TFR2: variants seen among roughly 807,000 people sequenced by gnomAD.
The protein encoded by TFR2 is transferrin receptor protein 2.
A neutral mutation model predicts 91.9 loss-of-function variants in TFR2; 64 were observed. The ratio of observed to expected loss-of-function variants is 0.70; its 90% CI spans 0.57 to 0.86. The LOEUF (loss-of-function observed/expected upper bound fraction) is 0.86, where lower values mean the gene tolerates loss of function less well. Ranked by LOEUF, TFR2 falls within the 40% of genes least tolerant of loss-of-function variation. TFR2 has a pLI of 0.00. For missense variants in TFR2, 950 were observed against 1,080.5 expected (o/e 0.88, Z 1.69); for synonymous variants, 454 against 459.6 (o/e 0.99, Z 0.15).
intron 1 of TFR2, 27 bp from the exon 2 acceptor site, chr7:100,641,255 TG>T: frequency 7.1e-7 from 1 of 1,406,550 alleles, no homozygotes; most frequent in Non-Finnish European, 9.4e-7. Context: ...GGCATGAGAT[TG>T]GGGCAAGAGG....
At chr7:100,628,052 G>A (rs1372093617) in intron 12 of TFR2, 21 bp downstream of exon 12, 1 of 1,614,084 alleles carries the variant, frequency 6.2e-7, no homozygotes, top group Admixed American at 1.7e-5. Context: ...GGGGCCAGGT[G>A]GTGGCACTGC....
chr7:100,623,326 GACA>G (rs553390293), intron 17 of TFR2, among the ~76,000 whole-genome samples: 3 of 152,178 alleles, frequency 2.0e-5, no homozygotes, highest in Non-Finnish European at 4.4e-5. Flanking sequence ...TCTATTCTAA[GACA>G]ACTATTATTA....
At chr7:100,621,669 CT>C (rs1562835447) in intron 17 of TFR2, among the ~76,000 whole-genome samples, 14 of 152,160 alleles carry the variant, frequency 9.2e-5, no homozygotes. Context: ...CTGCTGTTCC[CT>C]TCTTAACACC....
Position 100,641,034 on chromosome 7 carries a change from T to G in TFR2, c.228A>C (p.Ala76=), listed in dbSNP as rs1803688516. ...GGTAGGGGGCAGCCCTCCGTCCTGC[T>G]GCCGCCCAGGGAATGAGGTTTGGCT... is the stretch of plus-strand genomic sequence containing the variant. ...PRQPNLIPWA[A]AGRRAAPYLV... The change falls in exon 2 of 18, where the codon GCA becomes GCC. Residue 76 remains alanine (A), a synonymous_variant. Coordinates refer to ENST00000223051, the MANE Select transcript of TFR2 (RefSeq NM_003227.4). 1 of 1,602,058 alleles carries G rather than the reference T, an allele frequency of 6.2e-7. No individual in the cohort carries two copies. The highest frequency in any genetic ancestry group is 1.1e-5 in the South Asian group (1 of 89,820).
intron 17 of TFR2, chr7:100,626,425 T>C: frequency 8.6e-7 from 1 of 1,169,206 alleles, no homozygotes. Context: ...TGCTTTTTCT[T>C]TCCAGAAGGG....
At chr7:100,631,624 A>AG (rs1491017479) in intron 8 of TFR2, 182 bp downstream of exon 8, 3 of 221,676 alleles carry the variant, frequency 1.4e-5, no homozygotes, top group Admixed American at 7.0e-5. Flanking sequence ...ACTCCATCTC[A>AG]AAAAAAAAAA....
chr7:100,629,293 G>T lies in TFR2; in HGVS notation c.1350C>A (p.Leu450=). The change falls in exon 10 of 18, where the codon CTC becomes CTA. Residue 450 remains leucine (L), a synonymous_variant. Coordinates refer to ENST00000223051, the MANE Select transcript of TFR2 (RefSeq NM_003227.4). ...AAKSAVGTAI[L]LELVRTFSSM... is the part of the protein sequence containing the mutation. ...AGGAAAAGGTCCGCACCAGCTCCAG[G>T]AGTATAGCCGTCCCCACAGCGGATT... 6.2e-7 allele frequency: 1 copy of T among 1,614,122 alleles called. No individual in the cohort carries two copies. Among genetic ancestry groups the T allele is most frequent in the Non-Finnish European group, 8.5e-7 (1 of 1,179,972 alleles).
rs1371436169 is a variant in TFR2 at position 100,641,280 on chromosome 7, G to A, written c.34-52C>T. On this transcript the variant is annotated intron_variant, in intron 1 of 17. Transcript: ENST00000223051. Reference sequence around the variant, plus strand: ...TGGGGCAAGAGGCCTGGGGGGTGGGGAGGCATCTGGCAATAATGAGGTCAG... The same window carrying A: ...TGGGGCAAGAGGCCTGGGGGGTGGGAAGGCATCTGGCAATAATGAGGTCAG... The A allele has an allele frequency of 8.5e-6, 13 of 1,523,094 alleles. No homozygotes were observed. The African/African-American group carries it at 1.5e-4, about 18-fold the overall frequency. 94.3% of individuals were successfully genotyped at this position (1,523,094 alleles called of 1,614,324 possible). A position where few individuals can be genotyped will look rare whatever the true frequency, so the allele number is the denominator to read the frequency against.
chr7:100,624,884 C>A (rs12536812), intron 17 of TFR2, among the ~76,000 whole-genome samples: 20 of 148,482 alleles, frequency 1.3e-4, no homozygotes, highest in East Asian at 4.1e-4. Flanking sequence ...AAAAAAAAAA[C>A]AAAAAAACAA....
In TFR2 at chr7:100,627,969, C is replaced by T; in HGVS notation, c.1543G>A (p.Asp515Asn). 6.2e-7 allele frequency: 1 copy of T among 1,614,056 alleles called. No homozygotes were observed. The highest frequency in any genetic ancestry group is 8.5e-7 in the Non-Finnish European group (1 of 1,179,934). Residue 515 changes from aspartate (D) to asparagine (N), a missense_variant, in exon 13 of 18, where the codon GAC (aspartate) becomes AAC (asparagine). Asp to Asn is a conservative substitution (Grantham distance 23). Coordinates refer to ENST00000223051, the MANE Select transcript of TFR2 (RefSeq NM_003227.4). Reference protein sequence around the residue: ...VSLDNAVLGDDKFHAKTSPLL... With the variant: ...VSLDNAVLGDNKFHAKTSPLL... ...GGGCTGGTCTTGGCATGAAACTTGT[C>T]ATCCCCTGGAAAAAGGGGAGGGGAG...
At chr7:100,626,685 A>G (rs1803258941) in intron 17 of TFR2, 78 bp downstream of exon 17, 1 of 1,520,106 alleles carries the variant, frequency 6.6e-7, no homozygotes, top group Non-Finnish European at 8.8e-7. Context: ...GAGCGCGCAG[A>G]CGGGGCCAGG....
chr7:100,631,153 C>T, intron 8 of TFR2, 101 bp from the exon 9 acceptor site: 1 of 1,335,946 alleles, frequency 7.5e-7, no homozygotes, highest in Non-Finnish European at 9.9e-7. Context: ...TTTCTGGCTC[C>T]AGATCGCTGC....
rs779989093 is a variant in TFR2 at position 100,627,770 on chromosome 7, GAAC to G, written c.1653_1655del (p.Phe552del). ...CCTCAGCATCCCAGCTGGGATTGGTGAACACCACCTGTTCATAGAGAGTCTGCC... is the reference window on the plus strand; with the variant it reads ...CCTCAGCATCCCAGCTGGGATTGGTGACCACCTGTTCATAGAGAGTCTGCC... On this transcript the variant is annotated inframe_deletion, in exon 14 of 18. Transcript: ENST00000223051. The G allele has an allele frequency of 2.4e-4, 392 of 1,613,802 alleles. No individual in the cohort carries two copies. Among genetic ancestry groups the G allele is most frequent in the Non-Finnish European group, 3.2e-4 (379 of 1,179,966 alleles).
At chr7:100,636,612 GGAA>G in intron 3 of TFR2, among the ~76,000 whole-genome samples, 2 of 152,120 alleles carry the variant, frequency 1.3e-5, no homozygotes, top group East Asian at 3.9e-4. Flanking sequence ...TATTGTATCA[GGAA>G]GTTTTCAAGG....
intron 3 of TFR2, among the ~76,000 whole-genome samples, chr7:100,639,293 G>A (rs928185252): frequency 1.2e-4 from 18 of 152,188 alleles, no homozygotes; most frequent in Admixed American, 2.0e-4. Flanking sequence ...CGTGAACCTG[G>A]GAGGCGGAGG....
intron 9 of TFR2, among the ~76,000 whole-genome samples, chr7:100,630,402 G>C (rs1803401185): frequency 6.6e-6 from 1 of 152,054 alleles, no homozygotes; most frequent in Non-Finnish European, 1.5e-5. Context: ...TGATTCTCCT[G>C]TCCGAGCCTC....
rs1254243525 is a variant in TFR2, at chr7:100,627,354, G to A, written c.1905C>T (p.His635=). The part of the protein sequence containing the change: ...LAGQLLIRLS[H]DRLLPLDFGR... ...CGAAGTCGAGGGGCAGCAGGCGATC[G>A]TGGCTGAGCCGGATGAGGAGCTGCC... is the stretch of plus-strand genomic sequence containing the variant. The change falls in exon 16 of 18, where the codon CAC becomes CAT. Residue 635 remains histidine, a synonymous_variant. Coordinates refer to ENST00000223051, the MANE Select transcript of TFR2 (RefSeq NM_003227.4). The A allele has an allele frequency of 1.9e-6, 3 of 1,552,314 alleles. No individual in the cohort carries two copies. Among genetic ancestry groups the A allele is most frequent in the Non-Finnish European group, 1.7e-6 (2 of 1,147,740 alleles).
intron 17 of TFR2, among the ~76,000 whole-genome samples, chr7:100,622,100 C>T: frequency 6.6e-6 from 1 of 152,194 alleles, no homozygotes; most frequent in East Asian, 1.9e-4. Context: ...AATCACAGCT[C>T]ACTGCAACCC....
At chr7:100,629,110 G>A in intron 10 of TFR2, 143 bp downstream of exon 10, 1 of 1,116,360 alleles carries the variant, frequency 9.0e-7, no homozygotes, top group Non-Finnish European at 1.3e-6. Flanking sequence ...GACTGGCCCA[G>A]GGCCACTCAG....
Sources: gnomAD v4.1 joint callset for allele counts (sites outside exome capture counted in the v4.1 genomes callset) on GRCh38, gnomAD v4.1.1 for gene constraint, MANE v1.5 for transcripts, NCBI Gene and HGNC (gene_info 2026-07-23, HGNC 2026-07-21) for gene names.